ABCB5: variants seen among roughly 807,000 people sequenced by gnomAD.
ABCB5 encodes ATP binding cassette subfamily B member 5.
In ABCB5, 155 loss-of-function variants were observed where a neutral mutation model predicts 144.2. The ratio of observed to expected loss-of-function variants is 1.08; its 90% CI spans 0.94 to 1.23. The LOEUF is 1.23. Ranked by LOEUF, ABCB5 falls within the 50% of genes most tolerant of loss-of-function variation. ABCB5 has a pLI of 0.00. For missense variants in ABCB5, 1,830 were observed against 1,520.8 expected (o/e 1.20, Z -3.38); for synonymous variants, 610 against 528.6 (o/e 1.15, Z -2.11).
intron 17 of ABCB5, 31 bp from the exon 18 acceptor site, chr7:20,699,793 CA>C (rs749871817): frequency 2.1e-6 from 3 of 1,440,020 alleles, no homozygotes; most frequent in Non-Finnish European, 2.9e-6. Flanking sequence ...TATTTTCCCC[CA>C]AACACCTGAT....
chr7:20,744,389 A>G (rs946969274), intron 25 of ABCB5, among the ~76,000 whole-genome samples: 1 of 151,956 alleles, frequency 6.6e-6, no homozygotes, highest in Non-Finnish European at 1.5e-5. Context: ...CCTGACCAGA[A>G]TGTCCCCTTT....
chr7:20,721,397 G>T (rs1781862897), intron 20 of ABCB5, among the ~76,000 whole-genome samples: 2 of 152,160 alleles, frequency 1.3e-5, no homozygotes, highest in African/African-American at 2.4e-5. Context: ...AGTTGGTAAA[G>T]GTAAAGAGGT....
chr7:20,722,500 C>T (rs1049814502), intron 20 of ABCB5, among the ~76,000 whole-genome samples: 8 of 152,178 alleles, frequency 5.3e-5, no homozygotes, highest in Admixed American at 3.9e-4. Flanking sequence ...TTCCACTAAA[C>T]TAAAATCCAG....
At chr7:20,662,159 A>C (rs1785023172) in intron 14 of ABCB5, among the ~76,000 whole-genome samples, 1 of 152,168 alleles carries the variant, frequency 6.6e-6, no homozygotes, top group African/African-American at 2.4e-5. Context: ...TTATTAAGGG[A>C]GTTTCGGCCA....
chr7:20,699,655 T>G (rs1786545309), intron 17 of ABCB5, among the ~76,000 whole-genome samples, 170 bp from the exon 18 acceptor site: 2 of 151,634 alleles, frequency 1.3e-5, no homozygotes, highest in Non-Finnish European at 2.9e-5. Flanking sequence ...GAGCCAAGAC[T>G]GAGATCGCAA....
intron 20 of ABCB5, among the ~76,000 whole-genome samples, chr7:20,711,996 T>C (rs112623688): frequency 0.011 from 1,619 of 142,324 alleles, 80 homozygotes; most frequent in African/African-American, 0.04. Context: ...TCCCAGCACT[T>C]TGGGAGGCCG....
rs540151373 is a variant in ABCB5, at chr7:20,623,344, C to T, written c.53+6C>T. The T allele has an allele frequency of 9.0e-5, 139 of 1,546,594 alleles. 1 individual carries two copies. In the East Asian group the frequency reaches 3.0e-3, roughly 34 times the overall value. ...GAAAATTATCAGAGAAATGGGTAAG[C>T]TCTCACTAAGTTCTGTAAGTATGCT... is the stretch of plus-strand genomic sequence containing the variant. On this transcript the variant is annotated splice_donor_region_variant and intron_variant, in intron 2 of 27. Coordinates refer to ENST00000404938, the MANE Select transcript of ABCB5 (RefSeq NM_001163941.2).
chr7:20,682,641 G>C (rs1785867375), intron 15 of ABCB5, among the ~76,000 whole-genome samples: 1 of 152,200 alleles, frequency 6.6e-6, no homozygotes, highest in African/African-American at 2.4e-5. Flanking sequence ...AAGCCAGGCA[G>C]AAGGGTTGAG....
chr7:20,733,472 T>A (rs369064409), intron 23 of ABCB5, among the ~76,000 whole-genome samples: 1 of 152,136 alleles, frequency 6.6e-6, no homozygotes, highest in East Asian at 1.9e-4. Flanking sequence ...CTCTTCTAGA[T>A]ACATAAGCAT....
intron 20 of ABCB5, among the ~76,000 whole-genome samples, chr7:20,720,182 T>A (rs1781814363): frequency 6.6e-6 from 1 of 152,194 alleles, no homozygotes; most frequent in Non-Finnish European, 1.5e-5. Flanking sequence ...TAGGTATATG[T>A]CAAAGGACAA....
intron 20 of ABCB5, among the ~76,000 whole-genome samples, chr7:20,718,861 A>T (rs1160258439): frequency 6.6e-6 from 1 of 152,142 alleles, no homozygotes; most frequent in Non-Finnish European, 1.5e-5. Context: ...ACACCTTTTA[A>T]GGTGTAATTC....
chr7:20,705,611 G>T (rs1325500698), intron 20 of ABCB5, among the ~76,000 whole-genome samples: 2 of 152,024 alleles, frequency 1.3e-5, no homozygotes, highest in Non-Finnish European at 2.9e-5. Context: ...ATGCATTTGG[G>T]AGAAAAGGAA....
intron 23 of ABCB5, among the ~76,000 whole-genome samples, chr7:20,733,275 T>A (rs1439226096): frequency 6.6e-6 from 1 of 152,128 alleles, no homozygotes; most frequent in Non-Finnish European, 1.5e-5. Flanking sequence ...TCTTGCTTAG[T>A]TTTTCAAACA....
intron 24 of ABCB5, among the ~76,000 whole-genome samples, chr7:20,742,191 T>C (rs1345353407): frequency 6.6e-6 from 1 of 151,424 alleles, no homozygotes; most frequent in Non-Finnish European, 1.5e-5. Context: ...CTGGGCAACA[T>C]AGTGAAAACC....
intron 14 of ABCB5, among the ~76,000 whole-genome samples, chr7:20,670,016 A>C (rs1160023422): frequency 6.6e-6 from 1 of 152,218 alleles, no homozygotes; most frequent in Non-Finnish European, 1.5e-5. Context: ...AAGGAAGACA[A>C]ATCAGACGAA....
Position 20,647,554 on chromosome 7 carries a change from AT to A in ABCB5, c.1002del (p.His334GlnfsTer18). ...TVLAVFFSVI[H>X]SSYCIGAAVP... ...CTGTAGGTTTTCTTTAGTGTAATCC[AT>A]AGCAGTTATTGCATTGGAGCAGCAG... On this transcript the variant is annotated frameshift_variant, in exon 10 of 28. Transcript: ENST00000404938. LOFTEE classifies it high-confidence loss of function. 2.5e-6 allele frequency: 4 copies of A among 1,582,454 alleles called. No individual in the cohort carries two copies. The highest frequency in any genetic ancestry group is 3.4e-6 in the Non-Finnish European group (4 of 1,163,068).
At chr7:20,678,783 G>C (rs564996322) in intron 14 of ABCB5, among the ~76,000 whole-genome samples, 1 of 152,286 alleles carries the variant, frequency 6.6e-6, no homozygotes, top group East Asian at 1.9e-4. Flanking sequence ...TGACAGACAA[G>C]CTGACCAGCC....
In ABCB5 at chr7:20,647,985, C is replaced by A; in HGVS notation, c.1113C>A (p.Asn371Lys). Residue 371 changes from asparagine (N) to lysine (K), a missense_variant, in exon 11 of 28, where the codon AAC becomes AAA. Asn to Lys is a moderately conservative substitution (Grantham distance 94). Coordinates refer to ENST00000404938, the MANE Select transcript of ABCB5 (RefSeq NM_001163941.2). ...TTTCCAAGAAACCCAGTATAGATAA[C>A]TTTTCCACAGCTGGATATAAACCTG... ...QVIDKKPSID[N>K]FSTAGYKPES... 6.2e-7 allele frequency: 1 copy of A among 1,608,122 alleles called. No homozygotes were observed. Among genetic ancestry groups the A allele is most frequent in the African/African-American group, 1.3e-5 (1 of 74,900 alleles).
chr7:20,724,813 C>G (rs1279775132), intron 21 of ABCB5, among the ~76,000 whole-genome samples: 1 of 151,996 alleles, frequency 6.6e-6, no homozygotes, highest in Non-Finnish European at 1.5e-5. Flanking sequence ...GGATGCCAAG[C>G]ACATAACTCA....
Sources: allele counts gnomAD v4.1 joint callset (sites outside exome capture counted in the v4.1 genomes callset), GRCh38; gene constraint gnomAD v4.1.1; transcripts MANE v1.5; gene names NCBI Gene and HGNC (gene_info 2026-07-23, HGNC 2026-07-21).